The following RAI14 variants were observed in gnomAD, a reference collection of about 807,000 sequenced individuals.
The protein encoded by RAI14 is retinoic acid induced 14.
A neutral mutation model predicts 115.4 loss-of-function variants in RAI14; 45 were observed. That is an observed-to-expected ratio of 0.39 (90% CI 0.31 to 0.50). The LOEUF (loss-of-function observed/expected upper bound fraction) is 0.50, where lower values mean the gene tolerates loss of function less well. Ranked by LOEUF, RAI14 falls within the 20% of genes least tolerant of loss-of-function variation. RAI14 has a pLI of 0.85. For missense variants in RAI14, 939 were observed against 1,131.2 expected, an observed-to-expected ratio of 0.83 and a Z score of 2.44; for synonymous variants, 371 against 415.4, an observed-to-expected ratio of 0.89 and a Z score of 1.30.
intron 14 of RAI14, among the ~76,000 whole-genome samples, chr5:34,822,570 ACAGGCAAAGTGAT>A (rs1459703607): frequency 6.7e-6 from 1 of 150,320 alleles, no homozygotes; most frequent in African/African-American, 2.4e-5. Flanking sequence ...ATGAGAATAC[ACAGGCAAAGTGAT>A]CATGCTACTC....
At chr5:34,795,628 T>C (rs1183328760) in intron 3 of RAI14, among the ~76,000 whole-genome samples, 1 of 152,212 alleles carries the variant, frequency 6.6e-6, no homozygotes, top group Non-Finnish European at 1.5e-5. Context: ...GACTTTCTGA[T>C]TTGTTTCATC....
chr5:34,780,193 C>A (rs545009154), intron 3 of RAI14, among the ~76,000 whole-genome samples: 15 of 152,258 alleles, frequency 9.9e-5, no homozygotes, highest in African/African-American at 3.6e-4. Context: ...AAACTGGATC[C>A]CATCCTTACA....
At chr5:34,757,848 G>A (rs746437700) in intron 3 of RAI14, 80 of 275,154 alleles carry the variant, frequency 2.9e-4, no homozygotes, top group Non-Finnish European at 4.9e-4. Flanking sequence ...GCAACCAATT[G>A]TAGATGAGAC....
At chr5:34,661,823 C>T (rs1286550453) in intron 1 of RAI14, among the ~76,000 whole-genome samples, 1 of 152,190 alleles carries the variant, frequency 6.6e-6, no homozygotes, top group Non-Finnish European at 1.5e-5. Context: ...ACATGAAGCA[C>T]ACTGCATTTC....
intron 4 of RAI14, among the ~76,000 whole-genome samples, chr5:34,801,849 T>C (rs907657318): frequency 3.9e-5 from 6 of 152,070 alleles, no homozygotes; most frequent in Admixed American, 3.3e-4. Flanking sequence ...GGCAGGAGGA[T>C]TGCTTGAGGA....
intron 3 of RAI14, among the ~76,000 whole-genome samples, chr5:34,779,321 G>C (rs1751303826): frequency 6.6e-6 from 1 of 152,254 alleles, no homozygotes; most frequent in Middle Eastern, 3.4e-3. Context: ...ACAAGACAGG[G>C]ATGCCCTCTC....
At chr5:34,759,302 A>C (rs983850415) in intron 3 of RAI14, among the ~76,000 whole-genome samples, 5 of 152,080 alleles carry the variant, frequency 3.3e-5, no homozygotes, top group Admixed American at 1.3e-4. Context: ...TCTAGGGGAC[A>C]CCAGGGTCAT....
intron 3 of RAI14, among the ~76,000 whole-genome samples, chr5:34,790,120 T>G (rs943107572): frequency 2.0e-5 from 3 of 152,184 alleles, no homozygotes; most frequent in Non-Finnish European, 4.4e-5. Context: ...CATAGTGTGG[T>G]TTTCCCACCC....
intron 3 of RAI14, among the ~76,000 whole-genome samples, chr5:34,765,608 T>A (rs1749244838): frequency 6.6e-6 from 1 of 152,226 alleles, no homozygotes; most frequent in Admixed American, 6.5e-5. Context: ...GTAACTTGGG[T>A]ACTGTTAAAG....
At chr5:34,781,085 C>T (rs1157275810) in intron 3 of RAI14, among the ~76,000 whole-genome samples, 1 of 151,942 alleles carries the variant, frequency 6.6e-6, no homozygotes, top group African/African-American at 2.4e-5. Flanking sequence ...ATGGATGAAG[C>T]TGGAAACCAT....
chr5:34,713,704 G>A (rs762182834), intron 2 of RAI14, among the ~76,000 whole-genome samples: 3 of 152,112 alleles, frequency 2.0e-5, no homozygotes, highest in Non-Finnish European at 4.4e-5. Flanking sequence ...CTTGGCTGAG[G>A]AGCTTTTTAA....
intron 2 of RAI14, among the ~76,000 whole-genome samples, chr5:34,737,891 C>G (rs1486404122): frequency 6.6e-6 from 1 of 152,330 alleles, no homozygotes; most frequent in Admixed American, 6.5e-5. Context: ...GTGTCATGGA[C>G]ATATTTTTTC....
chr5:34,677,474 TCTCA>T (rs2149866376), intron 1 of RAI14, among the ~76,000 whole-genome samples: 1 of 151,580 alleles, frequency 6.6e-6, no homozygotes, highest in East Asian at 1.9e-4. Context: ...TAAAATGGGG[TCTCA>T]CTCTGTCTCC....
In RAI14 at chr5:34,680,197, A is replaced by C. The variant is rs954461691; in HGVS notation, c.-48-6675A>C. On this transcript the variant is annotated intron_variant, in intron 1 of 17. Transcript: ENST00000265109. Reference sequence around the variant, plus strand: ...GGGTCTTTCTTTGCAGAGAACTATGAAGTGATTCCTACCACCCCTACTGTC... The same window carrying C: ...GGGTCTTTCTTTGCAGAGAACTATGCAGTGATTCCTACCACCCCTACTGTC... 3.9e-5 allele frequency among the ~76,000 whole-genome samples: 6 copies of C among 152,174 alleles called. 1 individual carries two copies. Among genetic ancestry groups the C allele is most frequent in the Non-Finnish European group, 8.8e-5 (6 of 68,038 alleles).
intron 3 of RAI14, among the ~76,000 whole-genome samples, chr5:34,793,027 A>T (rs898554194): frequency 9.9e-5 from 15 of 152,242 alleles, no homozygotes; most frequent in African/African-American, 2.9e-4. Context: ...TCGCTATCAC[A>T]CGATTTATTA....
intron 2 of RAI14, among the ~76,000 whole-genome samples, chr5:34,697,449 G>GA (rs113110556): frequency 0.031 from 3,954 of 127,640 alleles, 174 homozygotes; most frequent in African/African-American, 0.1. Flanking sequence ...AAAAAAAAAA[G>GA]AAAAAAAAAA....
chr5:34,733,441 G>T (rs1446576110), intron 2 of RAI14, among the ~76,000 whole-genome samples: 1 of 152,144 alleles, frequency 6.6e-6, no homozygotes, highest in Non-Finnish European at 1.5e-5. Context: ...ATTTGAAAGG[G>T]TCTTTATTTC....
At chr5:34,767,678 T>C (rs1749599686) in intron 3 of RAI14, among the ~76,000 whole-genome samples, 1 of 147,088 alleles carries the variant, frequency 6.8e-6, no homozygotes, top group Non-Finnish European at 1.5e-5. Context: ...ACCATCTCTT[T>C]CCTGAAGCCA....
chr5:34,729,062 A>G (rs1283716096), intron 2 of RAI14, among the ~76,000 whole-genome samples: 1 of 152,184 alleles, frequency 6.6e-6, no homozygotes, highest in Non-Finnish European at 1.5e-5. Flanking sequence ...CAGATAAGTG[A>G]GTTATTTGAT....
Sources: gnomAD v4.1 joint callset for allele counts (sites outside exome capture counted in the v4.1 genomes callset) on GRCh38, gnomAD v4.1.1 for gene constraint, MANE v1.5 for transcripts, NCBI Gene and HGNC (gene_info 2026-07-23, HGNC 2026-07-21) for gene names.